The following AGMO variants were observed in gnomAD, a reference collection of about 807,000 sequenced individuals.
AGMO encodes the protein glyceryl-ether monooxygenase.
Under a neutral mutation model 60.2 loss-of-function variants are expected in AGMO, and 75 were observed. The observed-to-expected ratio is 1.25, with a 90% confidence interval of 1.03 to 1.51. The LOEUF is 1.51. Ranked by LOEUF, AGMO falls within the 40% of genes most tolerant of loss-of-function variation. The probability of loss-of-function intolerance (pLI) is 0.00; values close to 1 mark genes in which losing one functional copy is unlikely to be tolerated. For missense variants in AGMO, 763 were observed against 525.5 expected (o/e 1.45, Z -4.42); for synonymous variants, 261 against 177.1 (o/e 1.47, Z -3.76).
chr7:15,533,456 C>G (rs1274847337), intron 3 of AGMO, among the ~76,000 whole-genome samples: 1 of 152,088 alleles, frequency 6.6e-6, no homozygotes, highest in African/African-American at 2.4e-5. Flanking sequence ...ATTTGTTTTA[C>G]AGATCTTTGC....
chr7:15,389,486 G>A (rs1784053333), intron 8 of AGMO, among the ~76,000 whole-genome samples: 1 of 152,118 alleles, frequency 6.6e-6, no homozygotes, highest in African/African-American at 2.4e-5. Flanking sequence ...TCAAGATACA[G>A]ACACAGATAG....
chr7:15,282,194 A>G (rs1330737069), intron 12 of AGMO, among the ~76,000 whole-genome samples: 1 of 152,170 alleles, frequency 6.6e-6, no homozygotes, highest in African/African-American at 2.4e-5. Context: ...CCAAAAGATC[A>G]TACTAGCTTT....
At chr7:15,441,720 C>A (rs542909444) in intron 3 of AGMO, among the ~76,000 whole-genome samples, 1 of 152,124 alleles carries the variant, frequency 6.6e-6, no homozygotes, top group Non-Finnish European at 1.5e-5. Flanking sequence ...TGGAACAATG[C>A]TTTCTATAAT....
At chr7:15,271,248 T>C (rs931330436) in intron 12 of AGMO, among the ~76,000 whole-genome samples, 15 of 152,182 alleles carry the variant, frequency 9.9e-5, no homozygotes, top group Non-Finnish European at 7.4e-5. Flanking sequence ...AATCTGTAGA[T>C]GGCTATGGGC....
intron 12 of AGMO, among the ~76,000 whole-genome samples, chr7:15,249,614 A>C (rs1782871597): frequency 6.6e-6 from 1 of 152,128 alleles, no homozygotes; most frequent in Admixed American, 6.5e-5. Flanking sequence ...TGGAGTATGG[A>C]ATAGACTTTA....
At chr7:15,192,847 T>A in the AGMO span, among the ~76,000 whole-genome samples, 3 of 152,044 alleles carry the variant, frequency 2.0e-5, no homozygotes, top group Admixed American at 6.6e-5. Flanking sequence ...GTAAGTCCCA[T>A]AAGGGGGTCA....
At chr7:15,380,293 G>C (rs1468782248) in intron 10 of AGMO, among the ~76,000 whole-genome samples, 1 of 152,114 alleles carries the variant, frequency 6.6e-6, no homozygotes, top group Non-Finnish European at 1.5e-5. Flanking sequence ...TTCTTAAGTT[G>C]ATAAACAACT....
At chr7:15,354,374 G>C (rs1341142631) in intron 12 of AGMO, among the ~76,000 whole-genome samples, 1 of 62,106 alleles carries the variant, frequency 1.6e-5, no homozygotes, top group African/African-American at 1.1e-4. Flanking sequence ...ATATAGACGT[G>C]TGTATACACG....
chr7:15,152,452 C>T, the AGMO span, among the ~76,000 whole-genome samples: 1 of 152,112 alleles, frequency 6.6e-6, no homozygotes, highest in East Asian at 1.9e-4. Flanking sequence ...AAGCAGTGCA[C>T]ATTGTACCCA....
At chr7:15,244,277 G>T (rs1782678854) in intron 12 of AGMO, among the ~76,000 whole-genome samples, 1 of 152,120 alleles carries the variant, frequency 6.6e-6, no homozygotes, top group Non-Finnish European at 1.5e-5. Context: ...GTGATGATCT[G>T]CTCAAAATAT....
chr7:15,479,044 A>G (rs970951606), intron 3 of AGMO, among the ~76,000 whole-genome samples: 9 of 152,176 alleles, frequency 5.9e-5, no homozygotes, highest in Non-Finnish European at 1.2e-4. Context: ...CTGACATTCA[A>G]GTTAGAAACA....
intron 3 of AGMO, among the ~76,000 whole-genome samples, chr7:15,479,458 C>T (rs1782691664): frequency 6.6e-6 from 1 of 152,158 alleles, no homozygotes; most frequent in Non-Finnish European, 1.5e-5. Flanking sequence ...ACTAGGATCT[C>T]CAGACTCCTG....
chr7:15,506,331 C>T (rs927907217), intron 3 of AGMO, among the ~76,000 whole-genome samples: 5 of 151,866 alleles, frequency 3.3e-5, no homozygotes, highest in African/African-American at 1.2e-4. Flanking sequence ...GAAACTGGCT[C>T]GAGTTACACA....
chr7:15,382,896 T>A (rs1397566187), intron 10 of AGMO, among the ~76,000 whole-genome samples: 1 of 152,152 alleles, frequency 6.6e-6, no homozygotes, highest in African/African-American at 2.4e-5. Context: ...CAAGTTCAAA[T>A]CACGTATTTA....
rs1583339194 is a variant in AGMO at position 15,261,616 on chromosome 7, A to C, written c.1264-60257T>G. ...CAATCCTAGTGACACTATCTAAAAGATAAAGAAAGAGGGAATCCTCCTTAA... is the reference window on the plus strand; with the variant it reads ...CAATCCTAGTGACACTATCTAAAAGCTAAAGAAAGAGGGAATCCTCCTTAA... On this transcript the variant is annotated intron_variant, in intron 12 of 12. Transcript: ENST00000342526. Among the ~76,000 whole-genome samples, 3 of 152,192 alleles carry C rather than the reference A, an allele frequency of 2.0e-5. No individual in the cohort carries two copies. The South Asian group carries it at 6.2e-4, about 32-fold the overall frequency.
intron 3 of AGMO, among the ~76,000 whole-genome samples, chr7:15,518,434 C>G (rs1208887551): frequency 1.3e-5 from 2 of 152,126 alleles, no homozygotes; most frequent in Non-Finnish European, 2.9e-5. Flanking sequence ...TGTCTGGCAT[C>G]TGGCAGGTGG....
At chr7:15,284,854 A>T (rs1036266857) in intron 12 of AGMO, among the ~76,000 whole-genome samples, 3 of 152,062 alleles carry the variant, frequency 2.0e-5, no homozygotes, top group African/African-American at 7.2e-5. Flanking sequence ...ACTGAATCCA[A>T]CAACACATCA....
intron 3 of AGMO, among the ~76,000 whole-genome samples, chr7:15,492,720 C>T (rs755326823): frequency 6.6e-6 from 1 of 152,022 alleles, no homozygotes; most frequent in African/African-American, 2.4e-5. Flanking sequence ...GTGCTTGAGA[C>T]TTAGATGGTA....
the AGMO span, among the ~76,000 whole-genome samples, chr7:15,155,056 A>C: frequency 1.3e-5 from 2 of 152,118 alleles, no homozygotes; most frequent in Admixed American, 1.3e-4. Context: ...GACTTTGTAG[A>C]ATCTGATGAC....
Sources: allele counts gnomAD v4.1 joint callset (sites outside exome capture counted in the v4.1 genomes callset), GRCh38; gene constraint gnomAD v4.1.1; transcripts MANE v1.5; gene names NCBI Gene and HGNC (gene_info 2026-07-23, HGNC 2026-07-21).